The following RAB3C variants were observed in gnomAD, a reference collection of about 807,000 sequenced individuals.
The protein encoded by RAB3C is ras-related protein Rab-3C.
In RAB3C, 17 loss-of-function variants were observed where a neutral mutation model predicts 26.4. The ratio of observed to expected loss-of-function variants is 0.64; its 90% CI spans 0.44 to 0.97. The LOEUF (loss-of-function observed/expected upper bound fraction) is 0.97, where lower values mean the gene tolerates loss of function less well. Ranked by LOEUF, RAB3C falls within the 50% of genes least tolerant of loss-of-function variation. The pLI is 0.00. For missense variants in RAB3C, 242 were observed against 281.9 expected (o/e 0.86, Z 1.01); for synonymous variants, 91 against 95.9 (o/e 0.95, Z 0.30).
At chr5:58,596,517 AATAC>A (rs1746258120) in intron 1 of RAB3C, among the ~76,000 whole-genome samples, 1 of 135,616 alleles carries the variant, frequency 7.4e-6, no homozygotes. Context: ...AATACTATAT[AATAC>A]ATATTATATA....
chr5:58,629,176 T>C (rs1747135480), intron 2 of RAB3C, among the ~76,000 whole-genome samples: 2 of 152,188 alleles, frequency 1.3e-5, no homozygotes, highest in Admixed American at 6.5e-5. Flanking sequence ...TTTTTAAATT[T>C]TTTTTGTTGG....
intron 3 of RAB3C, among the ~76,000 whole-genome samples, chr5:58,766,849 G>A (rs1234484353): frequency 6.6e-6 from 1 of 152,088 alleles, no homozygotes; most frequent in African/African-American, 2.4e-5. Flanking sequence ...ATATACCAAA[G>A]CCACCCCAGC....
intron 2 of RAB3C, among the ~76,000 whole-genome samples, chr5:58,642,837 A>T (rs953920211): frequency 6.6e-6 from 1 of 152,222 alleles, no homozygotes; most frequent in Non-Finnish European, 1.5e-5. Context: ...AAAGCTAATG[A>T]ACTATTTTAT....
At chr5:58,843,012 G>C (rs969665297) in intron 4 of RAB3C, among the ~76,000 whole-genome samples, 2 of 152,174 alleles carry the variant, frequency 1.3e-5, no homozygotes, top group Non-Finnish European at 2.9e-5. Flanking sequence ...GTGGACTTTA[G>C]AGTCAGATTT....
chr5:58,729,985 A>G (rs1165716697), intron 3 of RAB3C, among the ~76,000 whole-genome samples: 1 of 149,892 alleles, frequency 6.7e-6, no homozygotes, highest in Non-Finnish European at 1.5e-5. Context: ...AAAGTACTAA[A>G]CAGAATTACA....
At chr5:58,707,600 A>G (rs1235356793) in intron 2 of RAB3C, among the ~76,000 whole-genome samples, 1 of 152,210 alleles carries the variant, frequency 6.6e-6, no homozygotes, top group Non-Finnish European at 1.5e-5. Context: ...AACACAGGTC[A>G]TCCAGCCCTA....
At chr5:58,790,641 C>A (rs1423381624) in intron 3 of RAB3C, among the ~76,000 whole-genome samples, 1 of 152,186 alleles carries the variant, frequency 6.6e-6, no homozygotes, top group Non-Finnish European at 1.5e-5. Flanking sequence ...CTAGAGCCTA[C>A]TCTCTGCTTC....
At chr5:58,625,664 C>T (rs434759) in intron 2 of RAB3C, among the ~76,000 whole-genome samples, 28,985 of 151,896 alleles carry the variant, frequency 0.19, 3,060 homozygotes, top group Admixed American at 0.28. Context: ...TGAGACCAGC[C>T]TGACCAACGT....
intron 3 of RAB3C, among the ~76,000 whole-genome samples, chr5:58,806,681 C>T (rs1420179140): frequency 6.6e-6 from 1 of 152,124 alleles, no homozygotes; most frequent in Non-Finnish European, 1.5e-5. Flanking sequence ...CTCTCCTTCC[C>T]TCAGTCATCA....
At chr5:58,627,887 A>G (rs1579825091) in intron 2 of RAB3C, among the ~76,000 whole-genome samples, 1 of 152,288 alleles carries the variant, frequency 6.6e-6, no homozygotes, top group East Asian at 1.9e-4. Context: ...GCCAGGCGCA[A>G]AGGCTCACGC....
intron 3 of RAB3C, among the ~76,000 whole-genome samples, chr5:58,813,300 C>G (rs528479394): frequency 6.6e-6 from 1 of 152,088 alleles, no homozygotes; most frequent in Non-Finnish European, 1.5e-5. Context: ...CTGACTCCCA[C>G]TAGAGTGACC....
At chr5:58,790,707 G>A (rs530447054) in intron 3 of RAB3C, among the ~76,000 whole-genome samples, 1 of 152,302 alleles carries the variant, frequency 6.6e-6, no homozygotes, top group South Asian at 2.1e-4. Context: ...ACATGGCAAA[G>A]AATGGTACAT....
In RAB3C at chr5:58,857,122, G is replaced by A. The variant is rs1417887415; in HGVS notation, c.*5771G>A. The A allele has an allele frequency of 6.6e-6, 1 of 152,180 alleles. No individual in the cohort carries two copies. Among genetic ancestry groups the A allele is most frequent in the Non-Finnish European group, 1.5e-5 (1 of 68,026 alleles). 9.4% of individuals were successfully genotyped at this position (152,180 alleles called of 1,614,324 possible). Reference sequence around the variant, plus strand: ...TGCAATATTTAATGACTCACTCAGTGTATATAAACTAGTATGAAAGAGTGA... The same window carrying A: ...TGCAATATTTAATGACTCACTCAGTATATATAAACTAGTATGAAAGAGTGA... On this transcript the variant is annotated 3_prime_UTR_variant, in exon 5 of 5. Transcript: ENST00000282878.
chr5:58,791,588 C>G (rs965171100), intron 3 of RAB3C, among the ~76,000 whole-genome samples: 1 of 152,168 alleles, frequency 6.6e-6, no homozygotes, highest in Non-Finnish European at 1.5e-5. Context: ...AAACATAATT[C>G]ATGTCCTCCA....
intron 2 of RAB3C, among the ~76,000 whole-genome samples, chr5:58,633,047 A>G (rs1241185615): frequency 1.3e-5 from 2 of 152,134 alleles, no homozygotes; most frequent in Non-Finnish European, 2.9e-5. Flanking sequence ...GCTTTTTGGC[A>G]TTTCCCACAG....
At chr5:58,767,107 C>G (rs1741925602) in intron 3 of RAB3C, among the ~76,000 whole-genome samples, 1 of 152,062 alleles carries the variant, frequency 6.6e-6, no homozygotes, top group East Asian at 1.9e-4. Flanking sequence ...GGTCTGGCAC[C>G]CAGGGAAAGC....
chr5:58,658,212 A>G (rs567352044), intron 2 of RAB3C, among the ~76,000 whole-genome samples: 1 of 152,334 alleles, frequency 6.6e-6, no homozygotes, highest in Non-Finnish European at 1.5e-5. Context: ...AACTTATAGT[A>G]GGACAGACTA....
Position 58,682,679 on chromosome 5 carries a change from G to A in RAB3C, c.253-43323G>A, listed in dbSNP as rs541103938. Among the ~76,000 whole-genome samples, 12 of 145,818 alleles carry A rather than the reference G, an allele frequency of 8.2e-5. No individual in the cohort carries two copies. The South Asian group carries it at 2.4e-3, about 29-fold the overall frequency. The stretch of plus-strand genomic sequence containing the variant: ...AGCCTGGGCAACAGAGTGAGACTCC[G>A]TCTCAAAAAGAAAAAAGAAAAAAAA... On this transcript the variant is annotated intron_variant, in intron 2 of 4. Coordinates refer to ENST00000282878, the MANE Select transcript of RAB3C (RefSeq NM_138453.4).
intron 2 of RAB3C, among the ~76,000 whole-genome samples, chr5:58,665,527 A>G (rs898092231): frequency 6.6e-6 from 1 of 152,170 alleles, no homozygotes; most frequent in South Asian, 2.1e-4. Context: ...AAGACTATTT[A>G]TTAGTACCAA....
Sources: gnomAD v4.1 joint callset for allele counts (sites outside exome capture counted in the v4.1 genomes callset) on GRCh38, gnomAD v4.1.1 for gene constraint, MANE v1.5 for transcripts, NCBI Gene and HGNC (gene_info 2026-07-23, HGNC 2026-07-21) for gene names.